The following ALPK2 variants were observed in gnomAD, a reference collection of about 807,000 sequenced individuals.
ALPK2 encodes the protein alpha kinase 2.
A neutral mutation model predicts 163.1 loss-of-function variants in ALPK2; 127 were observed. That is an observed-to-expected ratio of 0.78 (90% CI 0.67 to 0.90). The LOEUF (loss-of-function observed/expected upper bound fraction) is 0.90. ALPK2 is among the 40% of genes least tolerant of loss of function. ALPK2 has a pLI of 0.00. For missense variants in ALPK2, 2,360 were observed against 2,589.6 expected (o/e 0.91, Z 1.92); for synonymous variants, 953 against 959.1 (o/e 0.99, Z 0.12).
chr18:58,504,876 C>T (rs1286330017), intron 10 of ALPK2, among the ~76,000 whole-genome samples: 2 of 152,064 alleles, frequency 1.3e-5, no homozygotes, highest in Admixed American at 6.5e-5. Flanking sequence ...AGGACATCGA[C>T]GGTAGAGCAT....
intron 4 of ALPK2, among the ~76,000 whole-genome samples, chr18:58,543,801 G>C (rs1379156384): frequency 3.9e-5 from 6 of 152,154 alleles, no homozygotes; most frequent in Non-Finnish European, 8.8e-5. Context: ...GTCTCCCCAG[G>C]GTCCCACAGT....
At chr18:58,552,654 A>G (rs2051765999) in intron 4 of ALPK2, among the ~76,000 whole-genome samples, 1 of 152,234 alleles carries the variant, frequency 6.6e-6, no homozygotes, top group African/African-American at 2.4e-5. Context: ...AAACATCGCC[A>G]GACAAAGTCT....
In ALPK2 at chr18:58,516,975, T is replaced by TTG; in HGVS notation, c.5871_5872dup (p.Asn1958ThrfsTer77). ...ATTTCTGGTCCCATAGGCAATGGCA[T>TTG]TGTGCACCTTAAGCACACAGGCATG... is the stretch of plus-strand genomic sequence containing the variant. On this transcript the variant is annotated frameshift_variant, in exon 9 of 13. Transcript: ENST00000361673. The TTG allele has an allele frequency of 6.2e-7, 1 of 1,614,196 alleles. No homozygotes were observed. The highest frequency in any genetic ancestry group is 8.5e-7 in the Non-Finnish European group (1 of 1,180,026).
intron 11 of ALPK2, among the ~76,000 whole-genome samples, chr18:58,502,715 C>T (rs1233960878): frequency 1.3e-5 from 2 of 152,244 alleles, no homozygotes; most frequent in Admixed American, 1.3e-4. Flanking sequence ...ATTGCCCACA[C>T]CCCAACCACT....
chr18:58,588,174 C>G (rs2051996650), intron 3 of ALPK2, among the ~76,000 whole-genome samples: 1 of 152,152 alleles, frequency 6.6e-6, no homozygotes, highest in South Asian at 2.1e-4. Context: ...ACTGAGTTAT[C>G]AAGATTTAAT....
In ALPK2 at chr18:58,538,927, T is replaced by C. The variant is rs536582557; in HGVS notation, c.1963-703A>G. On this transcript the variant is annotated intron_variant, in intron 4 of 12. Coordinates refer to ENST00000361673, the MANE Select transcript of ALPK2 (RefSeq NM_052947.4). The stretch of plus-strand genomic sequence containing the variant: ...CCCTGCTTCCTCTCTGTCCATACTA[T>C]CTCTGAAAATGCCAGCTCCCCTCTG... Among the ~76,000 whole-genome samples the C allele has an allele frequency of 1.3e-4, 20 of 148,228 alleles. No individual in the cohort carries two copies. The East Asian group carries it at 3.0e-3, about 22-fold the overall frequency.
rs139058027 is a variant in ALPK2, at chr18:58,487,923, C to T, written c.6297-5884G>A. ...TATATAGTCTTTTCTCAACTATATTCCCCCTGGATGAGAGTGGTCCCTGCG... is the reference window on the plus strand; with the variant it reads ...TATATAGTCTTTTCTCAACTATATTTCCCCTGGATGAGAGTGGTCCCTGCG... On this transcript the variant is annotated intron_variant, in intron 12 of 12. Coordinates refer to ENST00000361673, the MANE Select transcript of ALPK2 (RefSeq NM_052947.4). 1.4e-4 allele frequency among the ~76,000 whole-genome samples: 22 copies of T among 152,258 alleles called. No homozygotes were observed. In the East Asian group the frequency reaches 3.9e-3, roughly 27 times the overall value.
intron 4 of ALPK2, among the ~76,000 whole-genome samples, chr18:58,573,380 G>A (rs1258657442): frequency 8.3e-5 from 12 of 144,556 alleles, no homozygotes; most frequent in Non-Finnish European, 1.8e-4. Flanking sequence ...ATATATGTGT[G>A]TGTATATATA....
chr18:58,522,887 A>G (rs1214047093), intron 8 of ALPK2, among the ~76,000 whole-genome samples: 1 of 151,918 alleles, frequency 6.6e-6, no homozygotes, highest in African/African-American at 2.4e-5. Context: ...GAATTGGCTC[A>G]TGAATTGTCA....
chr18:58,584,377 G>C (rs2144203949), intron 3 of ALPK2, among the ~76,000 whole-genome samples: 1 of 152,290 alleles, frequency 6.6e-6, no homozygotes, highest in East Asian at 1.9e-4. Context: ...AACAATGTCT[G>C]CCTCCTCCCT....
intron 12 of ALPK2, among the ~76,000 whole-genome samples, chr18:58,490,004 G>T (rs1463576449): frequency 6.6e-6 from 1 of 152,044 alleles, no homozygotes; most frequent in East Asian, 1.9e-4. Flanking sequence ...TCGCTTGAAT[G>T]AGGTTGCAGT....
At chr18:58,561,015 C>G (rs1246588798) in intron 4 of ALPK2, among the ~76,000 whole-genome samples, 1 of 152,108 alleles carries the variant, frequency 6.6e-6, no homozygotes, top group East Asian at 1.9e-4. Context: ...GATTACAATG[C>G]TTCTGAAGTT....
In ALPK2 at chr18:58,537,653, CCTT is replaced by C. The variant is rs1413792383; in HGVS notation, c.2531_2533del (p.Glu844del). 3 of 1,613,628 alleles carry C rather than the reference CCTT, an allele frequency of 1.9e-6. No individual in the cohort carries two copies. The highest frequency in any genetic ancestry group is 1.6e-4 in the Middle Eastern group (1 of 6,062). ...ACATAAATCAGATACTTTGTTTTGA[CCTT>C]CTGCCAGTTCCGTATCTACAGAGCA... On this transcript the variant is annotated inframe_deletion, in exon 5 of 13. Coordinates refer to ENST00000361673, the MANE Select transcript of ALPK2 (RefSeq NM_052947.4).
At chr18:58,568,233 C>T (rs926405969) in intron 4 of ALPK2, among the ~76,000 whole-genome samples, 1 of 152,170 alleles carries the variant, frequency 6.6e-6, no homozygotes, top group African/African-American at 2.4e-5. Flanking sequence ...GGCACTAGGA[C>T]AGGAACGCCT....
intron 12 of ALPK2, among the ~76,000 whole-genome samples, chr18:58,492,136 G>C (rs1215302588): frequency 7.2e-6 from 1 of 138,488 alleles, no homozygotes; most frequent in East Asian, 2.7e-4. Flanking sequence ...AAACAGGCAA[G>C]GTCTCTTTAG....
intron 4 of ALPK2, among the ~76,000 whole-genome samples, chr18:58,545,702 C>CTTCT (rs1602211077): frequency 6.6e-6 from 1 of 151,490 alleles, no homozygotes; most frequent in South Asian, 2.1e-4. Context: ...TCTCCAACTT[C>CTTCT]TTTTTTTTTC....
intron 12 of ALPK2, among the ~76,000 whole-genome samples, chr18:58,495,331 A>T (rs11152080): frequency 6.6e-5 from 10 of 151,954 alleles, no homozygotes; most frequent in Admixed American, 5.9e-4. Context: ...CAAACACTTC[A>T]GAATCTCCTC....
rs1555667370 is a variant in ALPK2, at chr18:58,531,648, G to GGAA, written c.5354-2411_5354-2410insTTC. ...ACGAACAACTAGAAGGTGATAAGTT[G>GGAA]AAAAAAAAAAAAAAAAAAGGACGGG... On this transcript the variant is annotated intron_variant, in intron 5 of 12. Transcript: ENST00000361673. Among the ~76,000 whole-genome samples the GGAA allele has an allele frequency of 4.4e-4, 46 of 103,598 alleles. 1 individual carries two copies. Among genetic ancestry groups the GGAA allele is most frequent in the Non-Finnish European group, 7.3e-4 (39 of 53,062 alleles). 68.0% of individuals were successfully genotyped at this position (103,598 alleles called of 152,430 possible).
chr18:58,580,481 A>T lies in ALPK2; in HGVS notation c.295T>A (p.Ser99Thr). 6.2e-7 allele frequency: 1 copy of T among 1,614,210 alleles called. No homozygotes were observed. Among genetic ancestry groups the T allele is most frequent in the Non-Finnish European group, 8.5e-7 (1 of 1,180,042 alleles). Residue 99 changes from serine to threonine, a missense_variant, in exon 4 of 13, where the codon TCT becomes ACT. Transcript: ENST00000361673. The stretch of plus-strand genomic sequence containing the variant: ...GAGCACTCAACCTCAACGGAAGCAG[A>T]ACAACAGATCATTCCAAAAGAGTTT... ...AKNSFGMICC[S>T]ASVEVECSSE...
Sources: allele counts gnomAD v4.1 joint callset (sites outside exome capture counted in the v4.1 genomes callset), GRCh38; gene constraint gnomAD v4.1.1; transcripts MANE v1.5; gene names NCBI Gene and HGNC (gene_info 2026-07-23, HGNC 2026-07-21).